Variants in NOTCH3 observed in about 807,000 individuals in gnomAD.
The protein encoded by NOTCH3 is neurogenic locus notch homolog protein 3.
Under a neutral mutation model 213.3 loss-of-function variants are expected in NOTCH3, and 86 were observed. The observed-to-expected ratio is 0.40, with a 90% CI of 0.34 to 0.48. The LOEUF (loss-of-function observed/expected upper bound fraction) is 0.48, where lower values mean the gene tolerates loss of function less well. Among genes scored for constraint, NOTCH3 ranks in the 20% least tolerant of loss-of-function variants. The pLI, the probability that NOTCH3 is intolerant of heterozygous loss-of-function variation, is 0.57. For synonymous variants in NOTCH3, 1,354 were observed against 1,355.9 expected (o/e 1.00, Z 0.03); for missense variants, 2,783 against 3,272.6 (o/e 0.85, Z 3.65).
chr19:15,170,337 C>A lies in NOTCH3; in HGVS notation c.5108G>T (p.Gly1703Val). ...RREPVGQDAL[G>V]MKNMAKGESL... ...GAGCGAGCAGGGTTCTCACTTCATG[C>A]CCAGCGCGTCCTGGCCCACGGGTTC... The change falls in exon 27 of 33, where the codon GGC (glycine) becomes GTC (valine). Residue 1703 changes from glycine (G) to valine (V), a missense_variant. Physicochemically the swap from Gly to Val is moderately radical, Grantham distance 109. Transcript: ENST00000263388. 13 of 1,612,770 alleles carry A rather than the reference C, an allele frequency of 8.1e-6. No homozygotes were observed. The highest frequency in any genetic ancestry group is 1.3e-5 in the African/African-American group (1 of 75,042).
intron 6 of NOTCH3, among the ~76,000 whole-genome samples, chr19:15,189,959 TC>T (rs2046915079): frequency 6.6e-6 from 1 of 152,192 alleles, no homozygotes; most frequent in African/African-American, 2.4e-5. Flanking sequence ...AATCTACCAA[TC>T]TTCTTTTCTA....
intron 6 of NOTCH3, among the ~76,000 whole-genome samples, chr19:15,189,789 G>A (rs990475316): frequency 3.3e-5 from 5 of 152,084 alleles, no homozygotes; most frequent in Admixed American, 6.6e-5. Flanking sequence ...AAAGTGCTGG[G>A]ATTACAGGCG....
chr19:15,200,523 C>G (rs1328551093), intron 1 of NOTCH3, among the ~76,000 whole-genome samples: 2 of 152,036 alleles, frequency 1.3e-5, no homozygotes, highest in Admixed American at 6.6e-5. Context: ...CCCTGATCCC[C>G]GCACCTCGAG....
At chr19:15,183,317 T>C (rs2046854814) in intron 16 of NOTCH3, among the ~76,000 whole-genome samples, 1 of 152,216 alleles carries the variant, frequency 6.6e-6, no homozygotes, top group Non-Finnish European at 1.5e-5. Context: ...TATTTTTTAA[T>C]GTGGCTACTA....
intron 32 of NOTCH3, 182 bp downstream of exon 32, chr19:15,162,283 T>C (rs970194141): frequency 3.8e-5 from 23 of 597,530 alleles, no homozygotes; most frequent in Middle Eastern, 4.5e-4. Flanking sequence ...CACCCAGCCA[T>C]TAGGCACAAA....
intron 1 of NOTCH3, among the ~76,000 whole-genome samples, chr19:15,199,276 G>A (rs1329193135): frequency 1.3e-5 from 2 of 152,202 alleles, no homozygotes; most frequent in African/African-American, 2.4e-5. Context: ...TGTATGAGCT[G>A]CACACCCATA....
In NOTCH3 at chr19:15,170,211, G is replaced by C. The variant is rs201050200; in HGVS notation, c.5115-41C>G. ...AAGAGGGGATGTGAGGGGGACACTA[G>C]AGGTGTCCAGCTGGGAAGGAGGATT... is the stretch of plus-strand genomic sequence containing the variant. On this transcript the variant is annotated intron_variant, in intron 27 of 32. Coordinates refer to ENST00000263388, the MANE Select transcript of NOTCH3 (RefSeq NM_000435.3). 2.7e-4 allele frequency: 403 copies of C among 1,496,276 alleles called. 2 individuals are homozygous for C. In the African/African-American group the frequency reaches 4.9e-3, roughly 18 times the overall value. 92.7% of individuals were successfully genotyped at this position (1,496,276 alleles called of 1,614,324 possible).
chr19:15,178,381 G>C, intron 23 of NOTCH3: 1 of 477,420 alleles, frequency 2.1e-6, no homozygotes. Context: ...GAAATGTCGG[G>C]GCAGGGGGTT....
intron 28 of NOTCH3, among the ~76,000 whole-genome samples, chr19:15,169,568 A>G (rs2046713980): frequency 6.6e-6 from 1 of 152,054 alleles, no homozygotes; most frequent in Non-Finnish European, 1.5e-5. Flanking sequence ...ACGGGGTTTC[A>G]CCATGTTGGT....
chr19:15,199,581 A>G (rs937053566), intron 1 of NOTCH3, among the ~76,000 whole-genome samples: 11 of 152,248 alleles, frequency 7.2e-5, no homozygotes, highest in Admixed American at 3.3e-4. Flanking sequence ...GTGTGCGTGC[A>G]GCTGGGTGTG....
chr19:15,200,014 T>G (rs1055257554), intron 1 of NOTCH3, among the ~76,000 whole-genome samples: 4 of 149,822 alleles, frequency 2.7e-5, no homozygotes, highest in Non-Finnish European at 6.0e-5. Flanking sequence ...GGCGCGGCCA[T>G]TGTCCCGAGC....
intron 24 of NOTCH3, 106 bp downstream of exon 24, chr19:15,177,415 GAAAC>G: frequency 2.0e-6 from 2 of 1,006,764 alleles, no homozygotes; most frequent in Non-Finnish European, 3.1e-6. Context: ...AGTGCACAGA[GAAAC>G]AGACGGGGCA....
Position 15,197,894 on chromosome 19 carries a change from G to A in NOTCH3, c.119-316C>T, listed in dbSNP as rs553105013. ...GCCAGAGCTAAGATGTGCAGAATGG[G>A]GTGTGCTGAGACAGGAAGTAAGGGT... is the stretch of plus-strand genomic sequence containing the variant. On this transcript the variant is annotated intron_variant, in intron 1 of 32. Transcript: ENST00000263388. Among the ~76,000 whole-genome samples, 4 of 152,332 alleles carry A rather than the reference G, an allele frequency of 2.6e-5. No individual in the cohort carries two copies. In the South Asian group the frequency reaches 8.3e-4, roughly 32 times the overall value.
At chr19:15,161,968 T>C (rs1450731195) in intron 32 of NOTCH3, among the ~76,000 whole-genome samples, 2 of 141,778 alleles carry the variant, frequency 1.4e-5, no homozygotes, top group African/African-American at 5.2e-5. Context: ...TAGGCATAAC[T>C]TTTTTTTTCT....
chr19:15,170,451 G>T lies in NOTCH3; in HGVS notation c.4994C>A (p.Ala1665Asp). The T allele has an allele frequency of 6.2e-7, 1 of 1,610,320 alleles. No individual in the cohort carries two copies. Residue 1665 changes from alanine (A) to aspartate (D), a missense_variant, in exon 27 of 33, where the codon GCC becomes GAC. Ala to Asp is a moderately radical substitution (Grantham distance 126). This residue lies in a region of NOTCH3 where 636 missense variants were observed against 801.8 expected (regional missense o/e 0.79). Coordinates refer to ENST00000263388, the MANE Select transcript of NOTCH3 (RefSeq NM_000435.3). The stretch of plus-strand genomic sequence containing the variant: ...GGTGCTGTGCTCGCGCTTGCGCCGG[G>T]CCACCATGACACCCAGGACGAGAAT... ...LVILVLGVMV[A>D]RRKREHSTLW... is the part of the protein sequence containing the mutation.
At chr19:15,194,682 G>A (rs547913774) in intron 2 of NOTCH3, among the ~76,000 whole-genome samples, 9 of 152,154 alleles carry the variant, frequency 5.9e-5, no homozygotes, top group African/African-American at 1.4e-4. Context: ...ATGTCCAAGC[G>A]CGGTGGCTCA....
rs1299578051 is a variant in NOTCH3 at position 15,187,291 on chromosome 19, CA to C, written c.1653del (p.Asp552ThrfsTer47). 1 of 1,613,926 alleles carries C rather than the reference CA, an allele frequency of 6.2e-7. No homozygotes were observed. The highest frequency in any genetic ancestry group is 2.2e-5 in the East Asian group (1 of 44,892). On this transcript the variant is annotated frameshift_variant, in exon 11 of 33. Coordinates refer to ENST00000263388, the MANE Select transcript of NOTCH3 (RefSeq NM_000435.3). LOFTEE classifies it high-confidence loss of function. Reference protein sequence around the residue: ...LCDRNVDDCSPDPCHHGRCVD... With the variant: ...LCDRNVDDCSXDPCHHGRCVD... ...ACGCAGCGACCATGGTGGCATGGGT[CA>C]GGGGAGCAGTCGTCCACGTTGCGAT...
chr19:15,173,255 T>C (rs1487078405), intron 25 of NOTCH3, among the ~76,000 whole-genome samples: 3 of 148,734 alleles, frequency 2.0e-5, no homozygotes, highest in Non-Finnish European at 4.5e-5. Flanking sequence ...CCCCGTCTCT[T>C]ACTAAAAATA....
At position 15,181,713 on chromosome 19, in the gene NOTCH3, G is replaced by C; in HGVS notation, c.2655C>G (p.Ala885=). ...TGCTCAGGCACTCATCCACATCGCG[G>C]GCGCATCGTGGGCCGGCGAAACCAG... The part of the protein sequence containing the change: ...CLPGFAGPRC[A]RDVDECLSNP... Residue 885 remains alanine, a synonymous_variant, in exon 17 of 33, where the codon GCC becomes GCG. Transcript: ENST00000263388. 1 of 1,568,874 alleles carries C rather than the reference G, an allele frequency of 6.4e-7. No homozygotes were observed. The highest frequency in any genetic ancestry group is 8.6e-7 in the Non-Finnish European group (1 of 1,156,394).
Sources: allele counts gnomAD v4.1 joint callset (sites outside exome capture counted in the v4.1 genomes callset), GRCh38; gene constraint gnomAD v4.1.1; regional missense constraint gnomAD v4.1.1; transcripts MANE v1.5; gene names NCBI Gene and HGNC (gene_info 2026-07-23, HGNC 2026-07-21).